SPAG17: variants seen among roughly 807,000 people sequenced by gnomAD.
The protein encoded by SPAG17 is sperm associated antigen 17, also known as sperm-associated antigen 17.
A neutral mutation model predicts 273.6 loss-of-function variants in SPAG17; 169 were observed. That is an observed-to-expected ratio of 0.62 (90% confidence interval 0.55 to 0.70). SPAG17 has a LOEUF of 0.70. Ranked by LOEUF, SPAG17 falls within the 30% of genes least tolerant of loss-of-function variation. The pLI is 0.00. For synonymous variants in SPAG17, 825 were observed against 873.2 expected, an observed-to-expected ratio of 0.94 and a Z score of 0.97; for missense variants, 2,557 against 2,627.8, an observed-to-expected ratio of 0.97 and a Z score of 0.59.
chr1:117,955,332 A>G, intron 48 of SPAG17: 2 of 1,612,510 alleles, frequency 1.2e-6, no homozygotes, highest in Non-Finnish European at 1.7e-6. Flanking sequence ...CTTATGTATT[A>G]GAGATTTTTA....
At chr1:118,113,389 A>G (rs1160906291) in intron 4 of SPAG17, among the ~76,000 whole-genome samples, 1 of 152,136 alleles carries the variant, frequency 6.6e-6, no homozygotes, top group Non-Finnish European at 1.5e-5. Context: ...GCTGACAAGC[A>G]TTAACCTTGA....
At chr1:118,040,697 T>G in intron 22 of SPAG17, 33 bp downstream of exon 22, 1 of 1,383,374 alleles carries the variant, frequency 7.2e-7, no homozygotes, top group Non-Finnish European at 1.0e-6. Flanking sequence ...TTATTATGTT[T>G]CCAATCATTA....
chr1:117,976,480 G>A (rs1456953863), intron 43 of SPAG17, among the ~76,000 whole-genome samples: 2 of 152,172 alleles, frequency 1.3e-5, no homozygotes, highest in Non-Finnish European at 2.9e-5. Flanking sequence ...GCTTGGCTAC[G>A]GCACTTGCTT....
chr1:118,091,601 C>T lies in SPAG17; in HGVS notation c.1359+5G>A, dbSNP rs377126623. On this transcript the variant is annotated splice_donor_5th_base_variant and intron_variant, in intron 10 of 48. Transcript: ENST00000336338. ...AGTATACAACCTGGGAAAAAGCCTCCCCACCTGTTCCAGCATACAATGCAG... is the reference window on the plus strand; with the variant it reads ...AGTATACAACCTGGGAAAAAGCCTCTCCACCTGTTCCAGCATACAATGCAG... 19 of 1,565,820 alleles carry T rather than the reference C, an allele frequency of 1.2e-5. No individual in the cohort carries two copies. The highest frequency in any genetic ancestry group is 1.6e-5 in the Non-Finnish European group (18 of 1,137,886).
chr1:118,130,363 A>G (rs1346415926), intron 3 of SPAG17, among the ~76,000 whole-genome samples: 2 of 152,232 alleles, frequency 1.3e-5, no homozygotes, highest in East Asian at 1.9e-4. Context: ...GCCTAGTAGT[A>G]TGACATTTTA....
At chr1:118,087,115 G>A (rs12142679) in intron 10 of SPAG17, 107 bp from the exon 11 acceptor site, 83,107 of 1,287,130 alleles carry the variant, frequency 0.065, 3,701 homozygotes, top group East Asian at 0.23. Context: ...GTCCATTTCT[G>A]GGACCCAAGT....
intron 27 of SPAG17, among the ~76,000 whole-genome samples, chr1:118,024,378 TAA>T (rs1328423767): frequency 6.6e-6 from 1 of 152,170 alleles, no homozygotes; most frequent in Non-Finnish European, 1.5e-5. Context: ...AGCGACTTTT[TAA>T]AAAGTTGTTA....
chr1:118,034,891 C>T (rs1226195150), intron 24 of SPAG17, among the ~76,000 whole-genome samples: 1 of 152,098 alleles, frequency 6.6e-6, no homozygotes, highest in Admixed American at 6.6e-5. Flanking sequence ...CAAGAATGAC[C>T]TATTCCTCTT....
At chr1:118,037,302 TTCAG>T (rs1263466945) in intron 23 of SPAG17, among the ~76,000 whole-genome samples, 1 of 152,220 alleles carries the variant, frequency 6.6e-6, no homozygotes, top group Non-Finnish European at 1.5e-5. Flanking sequence ...TAAAAATTGT[TTCAG>T]TCAAAACATA....
chr1:118,154,456 A>G (rs17037937), intron 1 of SPAG17, among the ~76,000 whole-genome samples: 8,856 of 152,216 alleles, frequency 0.058, 641 homozygotes, highest in African/African-American at 0.17. Flanking sequence ...GCAATATTCA[A>G]CTAATGAAGA....
chr1:118,023,603 C>G (rs1647368580), intron 27 of SPAG17, 140 bp from the exon 28 acceptor site: 1 of 600,530 alleles, frequency 1.7e-6, no homozygotes, highest in East Asian at 3.1e-5. Flanking sequence ...GACCCAGCAG[C>G]ACAAAGTAGA....
chr1:118,176,853 T>A (rs1660720371), intron 1 of SPAG17, among the ~76,000 whole-genome samples: 1 of 152,178 alleles, frequency 6.6e-6, no homozygotes, highest in African/African-American at 2.4e-5. Flanking sequence ...TCAAGCATCT[T>A]TTCTGACCAC....
Position 117,984,904 on chromosome 1 carries a change from G to C in SPAG17, c.5670-122C>G, listed in dbSNP as rs1371785327. The C allele has an allele frequency of 2.1e-5, 13 of 629,604 alleles. No individual in the cohort carries two copies. The East Asian group carries it at 3.6e-4, about 18-fold the overall frequency. The allele number at this position is 629,604 out of a possible 1,614,324, so 39.0% of individuals were successfully genotyped here. A position where few individuals can be genotyped will look rare whatever the true frequency, so the allele number is the denominator to read the frequency against. Reference sequence around the variant, plus strand: ...CAATCACTAACAATAAAACTGACAAGAATTAATTTATTAGATATTTTTGTC... The same window carrying C: ...CAATCACTAACAATAAAACTGACAACAATTAATTTATTAGATATTTTTGTC... On this transcript the variant is annotated intron_variant, in intron 40 of 48. Transcript: ENST00000336338.
At position 118,036,793 on chromosome 1, in the gene SPAG17, T is replaced by C. The variant is rs754238003; in HGVS notation, c.3410A>G (p.Tyr1137Cys). 1.6e-5 allele frequency: 25 copies of C among 1,555,622 alleles called. No individual in the cohort carries two copies. Among genetic ancestry groups the C allele is most frequent in the African/African-American group, 4.1e-5 (3 of 73,334 alleles). ...ACCTGGTGCCATTCCATTTGATCCA[T>C]AGTAACTTATCGAGAGGCAGATTCC... ...ENGICLSISY[Y>C]GSNGMAPEDK... The change falls in exon 24 of 49, where the codon TAT becomes TGT. Residue 1137 changes from tyrosine (Y) to cysteine (C), a missense_variant. By Grantham distance (194) the Tyr-to-Cys change is radical. Transcript: ENST00000336338.
At chr1:118,146,196 T>C (rs1268871333) in intron 3 of SPAG17, among the ~76,000 whole-genome samples, 1 of 152,234 alleles carries the variant, frequency 6.6e-6, no homozygotes, top group Admixed American at 6.5e-5. Flanking sequence ...GTTCACTTAC[T>C]GTGTATCAGA....
intron 15 of SPAG17, chr1:118,076,529 GA>G (rs1654112870): frequency 6.6e-6 from 1 of 152,144 alleles, no homozygotes; most frequent in African/African-American, 2.4e-5. Context: ...CAATTGATAT[GA>G]AATCTGTGGA....
chr1:118,004,858 C>CTGAA (rs1376317962), intron 32 of SPAG17, among the ~76,000 whole-genome samples: 1 of 152,220 alleles, frequency 6.6e-6, no homozygotes, highest in Non-Finnish European at 1.5e-5. Flanking sequence ...GAACCAGGTA[C>CTGAA]TTCAGTTGGA....
chr1:118,026,238 G>A (rs1214677272), intron 26 of SPAG17, among the ~76,000 whole-genome samples: 1 of 152,122 alleles, frequency 6.6e-6, no homozygotes, highest in Non-Finnish European at 1.5e-5. Flanking sequence ...GCATTTTGCT[G>A]TTAGCTGGCA....
intron 17 of SPAG17, among the ~76,000 whole-genome samples, chr1:118,073,448 G>A (rs1315589988): frequency 6.6e-6 from 1 of 152,140 alleles, no homozygotes; most frequent in Non-Finnish European, 1.5e-5. Flanking sequence ...AGATTCCATT[G>A]AACTGTTAAT....
Sources: allele counts gnomAD v4.1 joint callset (sites outside exome capture counted in the v4.1 genomes callset), GRCh38; gene constraint gnomAD v4.1.1; transcripts MANE v1.5; gene names NCBI Gene and HGNC (gene_info 2026-07-23, HGNC 2026-07-21).